The following ADCY5 variants were observed in gnomAD, a reference collection of about 807,000 sequenced individuals.
ADCY5 encodes the protein adenylate cyclase 5, also known as adenylate cyclase type 5.
A neutral mutation model predicts 119.7 loss-of-function variants in ADCY5; 30 were observed. The observed-to-expected ratio is 0.25, with a 90% CI of 0.19 to 0.34. The LOEUF (loss-of-function observed/expected upper bound fraction) is 0.34, where lower values mean the gene tolerates loss of function less well. Ranked by LOEUF, ADCY5 falls within the 10% of genes least tolerant of loss-of-function variation. The pLI is 1.00. For synonymous variants in ADCY5, 753 were observed against 762.2 expected, an observed-to-expected ratio of 0.99 and a Z score of 0.20; for missense variants, 1,324 against 1,775.2, an observed-to-expected ratio of 0.75 and a Z score of 4.57.
At chr3:123,376,155 C>T (rs1221644247) in intron 1 of ADCY5, among the ~76,000 whole-genome samples, 1 of 151,938 alleles carries the variant, frequency 6.6e-6, no homozygotes, top group Non-Finnish European at 1.5e-5. Context: ...AGTTTGGGGG[C>T]CCACAGAATT....
At chr3:123,318,254 G>C (rs561206543) in intron 10 of ADCY5, 137 bp from the exon 11 acceptor site, 3 of 635,784 alleles carry the variant, frequency 4.7e-6, no homozygotes, top group Non-Finnish European at 8.5e-6. Flanking sequence ...GGGAAGACTC[G>C]AGAACCAGAG....
intron 8 of ADCY5, 105 bp downstream of exon 8, chr3:123,325,217 C>G: frequency 7.0e-7 from 1 of 1,437,408 alleles, no homozygotes; most frequent in Non-Finnish European, 9.5e-7. Context: ...GTGTGGCTCC[C>G]CAGATTCCCT....
intron 1 of ADCY5, among the ~76,000 whole-genome samples, chr3:123,396,006 G>GAGAAAGAAAGAA: frequency 7.5e-6 from 1 of 132,756 alleles, no homozygotes; most frequent in South Asian, 2.7e-4. Flanking sequence ...AAGAAAGAAA[G>GAGAAAGAAAGAA]AGAGAAAGAG....
rs550801468 is a variant in ADCY5 at position 123,377,119 on chromosome 3, C to T, written c.1135-24538G>A. Among the ~76,000 whole-genome samples, 4 of 152,364 alleles carry T rather than the reference C, an allele frequency of 2.6e-5. No homozygotes were observed. In the East Asian group the frequency reaches 7.7e-4, roughly 29 times the overall value. ...AGCAGACAAGAGCTGGAGCTCCACA[C>T]AGCAGCCACGATGATCTTCTCAAAA... On this transcript the variant is annotated intron_variant, in intron 1 of 20. Transcript: ENST00000462833.
chr3:123,448,094 A>G lies in ADCY5; in HGVS notation c.452T>C (p.Val151Ala). The G allele has an allele frequency of 8.5e-7, 1 of 1,173,686 alleles. No individual in the cohort carries two copies. The highest frequency in any genetic ancestry group is 3.6e-5 in the South Asian group (1 of 28,094). The allele number at this position is 1,173,686 out of a possible 1,614,324, so 72.7% of individuals were successfully genotyped here. A position where few individuals can be genotyped will look rare whatever the true frequency, so the allele number is the denominator to read the frequency against. Residue 151 changes from valine (V) to alanine (A), a missense_variant, in exon 1 of 21, where the codon GTG becomes GCG. Transcript: ENST00000462833. ...ACCCACCTCCACCGAGCGAGGGCGC[A>G]CCTCCGTCCCGCCCGCCGAGGCAGC... ...AAAASAGGTE[V>A]RPRSVEVGLE... is the part of the protein sequence containing the mutation.
intron 14 of ADCY5, 137 bp downstream of exon 14, chr3:123,302,918 A>G (rs2108262791): frequency 2.0e-6 from 2 of 1,003,326 alleles, no homozygotes; most frequent in Admixed American, 5.0e-5. Flanking sequence ...AGTGAGAGAT[A>G]CTGGGGTAAG....
chr3:123,291,042 A>C, intron 18 of ADCY5, 71 bp downstream of exon 18: 1 of 1,530,490 alleles, frequency 6.5e-7, no homozygotes, highest in South Asian at 1.3e-5. Flanking sequence ...AGGTCTCTTC[A>C]CATCCCTCCC....
In ADCY5 at chr3:123,289,962, A is replaced by G. The variant is rs1053407979; in HGVS notation, c.3328-8T>C. The stretch of plus-strand genomic sequence containing the variant: ...CCGATCCTCGCTGATGATCTGGATG[A>G]AGGAGGCCAAACCTGGGTCACCCCA... On this transcript the variant is annotated splice_region_variant and splice_polypyrimidine_tract_variant and intron_variant, in intron 18 of 20. Transcript: ENST00000462833. 3.7e-6 allele frequency: 6 copies of G among 1,613,632 alleles called. No homozygotes were observed. The highest frequency in any genetic ancestry group is 3.3e-5 in the Admixed American group (2 of 59,954).
At chr3:123,396,523 G>C (rs1944572966) in intron 1 of ADCY5, among the ~76,000 whole-genome samples, 1 of 121,388 alleles carries the variant, frequency 8.2e-6, no homozygotes, top group Non-Finnish European at 1.6e-5. Context: ...AAGAAAGAGA[G>C]AGAGAAAGAA....
At chr3:123,331,309 T>C (rs1477832313) in intron 4 of ADCY5, among the ~76,000 whole-genome samples, 2 of 152,184 alleles carry the variant, frequency 1.3e-5, no homozygotes, top group Non-Finnish European at 2.9e-5. Context: ...AAGAGGAATT[T>C]GGCTGGTCGA....
In ADCY5 at chr3:123,375,847, T is replaced by C. The variant is rs535401980; in HGVS notation, c.1135-23266A>G. The stretch of plus-strand genomic sequence containing the variant: ...TGGGTAGTGAATGCCTGTTCACCTG[T>C]CCATGTCAGTATGTCTGTCCTACTA... On this transcript the variant is annotated intron_variant, in intron 1 of 20. Transcript: ENST00000462833. Among the ~76,000 whole-genome samples, 58 of 152,158 alleles carry C rather than the reference T, an allele frequency of 3.8e-4. 1 individual carries two copies. The highest frequency in any genetic ancestry group is 4.0e-4 in the Non-Finnish European group (27 of 68,026).
At chr3:123,291,054 T>C in intron 18 of ADCY5, 59 bp downstream of exon 18, 1 of 1,556,654 alleles carries the variant, frequency 6.4e-7, no homozygotes, top group Non-Finnish European at 8.7e-7. Flanking sequence ...ATCCCTCCCA[T>C]ACCAGGGACT....
chr3:123,416,820 G>A (rs1175641429), intron 1 of ADCY5, among the ~76,000 whole-genome samples: 4 of 152,128 alleles, frequency 2.6e-5, no homozygotes, highest in East Asian at 1.9e-4. Flanking sequence ...TGTATTTGGC[G>A]ATGAAGACTT....
At chr3:123,420,929 G>C (rs1945291079) in intron 1 of ADCY5, among the ~76,000 whole-genome samples, 1 of 152,080 alleles carries the variant, frequency 6.6e-6, no homozygotes, top group African/African-American at 2.4e-5. Context: ...GTGTTCCTTG[G>C]CTTGTAGATG....
intron 3 of ADCY5, among the ~76,000 whole-genome samples, chr3:123,345,446 C>T (rs1435086386): frequency 6.6e-6 from 1 of 152,172 alleles, no homozygotes; most frequent in East Asian, 1.9e-4. Context: ...TGAGAGCAAT[C>T]AAGGAAAGCA....
chr3:123,386,145 T>C (rs1005191041), intron 1 of ADCY5, among the ~76,000 whole-genome samples: 1 of 152,206 alleles, frequency 6.6e-6, no homozygotes, highest in Non-Finnish European at 1.5e-5. Context: ...AAGGCATGAA[T>C]GAGCCCGAAG....
At chr3:123,365,269 T>C (rs1357987033) in intron 1 of ADCY5, among the ~76,000 whole-genome samples, 1 of 152,232 alleles carries the variant, frequency 6.6e-6, no homozygotes, top group Non-Finnish European at 1.5e-5. Context: ...CATTTAATAT[T>C]GTAACGTAAG....
chr3:123,351,254 A>G (rs1942827326), intron 2 of ADCY5, among the ~76,000 whole-genome samples: 1 of 152,156 alleles, frequency 6.6e-6, no homozygotes, highest in South Asian at 2.1e-4. Context: ...GTCACCAGCC[A>G]TATCACTGTG....
chr3:123,414,612 A>G (rs1004895580), intron 1 of ADCY5, among the ~76,000 whole-genome samples: 1 of 152,100 alleles, frequency 6.6e-6, no homozygotes, highest in African/African-American at 2.4e-5. Context: ...GCTGGAGTGC[A>G]GTGGCATGAT....
Sources: gnomAD v4.1 joint callset for allele counts (sites outside exome capture counted in the v4.1 genomes callset) on GRCh38, gnomAD v4.1.1 for gene constraint, MANE v1.5 for transcripts, NCBI Gene and HGNC (gene_info 2026-07-23, HGNC 2026-07-21) for gene names.